RPH3A: variants seen among roughly 807,000 people sequenced by gnomAD.
RPH3A encodes the protein rabphilin 3A, also known as rabphilin-3A.
In RPH3A, 48 loss-of-function variants were observed where a neutral mutation model predicts 102.2. The ratio of observed to expected loss-of-function variants is 0.47; its 90% CI spans 0.37 to 0.60. RPH3A has a LOEUF of 0.60. RPH3A is among the 20% of genes least tolerant of loss of function. RPH3A has a pLI of 0.00. For missense variants in RPH3A, 781 were observed against 910.1 expected (o/e 0.86, Z 1.83); for synonymous variants, 310 against 324.3 (o/e 0.96, Z 0.47).
intron 1 of RPH3A, among the ~76,000 whole-genome samples, chr12:112,635,378 G>A (rs1566236936): frequency 6.6e-6 from 1 of 151,976 alleles, no homozygotes; most frequent in Non-Finnish European, 1.5e-5. Flanking sequence ...CCACTTACAG[G>A]GTGTGTATTC....
At chr12:112,667,304 A>G (rs1475748069) in intron 1 of RPH3A, among the ~76,000 whole-genome samples, 5 of 152,186 alleles carry the variant, frequency 3.3e-5, no homozygotes, top group African/African-American at 7.2e-5. Context: ...AATTATATAT[A>G]TACTCACATC....
At chr12:112,661,867 C>T (rs536205169) in intron 1 of RPH3A, among the ~76,000 whole-genome samples, 71 of 145,068 alleles carry the variant, frequency 4.9e-4, no homozygotes, top group African/African-American at 1.6e-3. Context: ...CCACCACCCA[C>T]CCCCCAAATA....
chr12:112,810,967 A>ATG lies in RPH3A; in HGVS notation c.-18-17316_-18-17315dup, dbSNP rs758194280. ...ATACATATTTTTTGTGTGTACATATATGTGTGTGTGTGTGTGTGTATAGAT... is the reference window on the plus strand; with the variant it reads ...ATACATATTTTTTGTGTGTACATATATGTGTGTGTGTGTGTGTGTGTATAGAT... On this transcript the variant is annotated intron_variant, in intron 2 of 21. Coordinates refer to ENST00000389385, the MANE Select transcript of RPH3A (RefSeq NM_001143854.2). Among the ~76,000 whole-genome samples, 310 of 113,406 alleles carry ATG rather than the reference A, an allele frequency of 2.7e-3. 1 individual carries two copies. The highest frequency in any genetic ancestry group is 7.1e-3 in the African/African-American group (249 of 34,872). The allele number at this position is 113,406 out of a possible 152,430, so 74.4% of individuals were successfully genotyped here. A position where few individuals can be genotyped will look rare whatever the true frequency, so the allele number is the denominator to read the frequency against.
intron 1 of RPH3A, among the ~76,000 whole-genome samples, chr12:112,779,257 G>A (rs990689590): frequency 6.6e-6 from 1 of 152,214 alleles, no homozygotes; most frequent in African/African-American, 2.4e-5. Context: ...CAGCCTAAAG[G>A]CGCTTCAGCA....
intron 6 of RPH3A, 122 bp downstream of exon 6, chr12:112,865,665 C>T: frequency 3.6e-6 from 4 of 1,101,688 alleles, no homozygotes; most frequent in Non-Finnish European, 3.8e-6. Context: ...GATCACTTGC[C>T]AGGATATGGT....
chr12:112,729,023 A>G (rs1470273476), intron 1 of RPH3A, among the ~76,000 whole-genome samples: 1 of 152,130 alleles, frequency 6.6e-6, no homozygotes, highest in Non-Finnish European at 1.5e-5. Context: ...TGGCTTGGGA[A>G]CACAAAAGTG....
At chr12:112,599,510 A>G (rs1366404295) in intron 1 of RPH3A, among the ~76,000 whole-genome samples, 1 of 152,154 alleles carries the variant, frequency 6.6e-6, no homozygotes, top group African/African-American at 2.4e-5. Flanking sequence ...CAGGGTTTGT[A>G]TTGACCCTGC....
intron 2 of RPH3A, among the ~76,000 whole-genome samples, chr12:112,824,325 C>G (rs2041831155): frequency 6.6e-6 from 1 of 152,198 alleles, no homozygotes; most frequent in African/African-American, 2.4e-5. Context: ...CTGGGCAAAG[C>G]AGCTCCTGTT....
chr12:112,796,042 C>A (rs549074895), intron 2 of RPH3A, among the ~76,000 whole-genome samples: 1 of 152,216 alleles, frequency 6.6e-6, no homozygotes, highest in Middle Eastern at 3.4e-3. Context: ...CCCTCTTGTT[C>A]CCCACTGCAG....
intron 1 of RPH3A, among the ~76,000 whole-genome samples, chr12:112,760,262 A>G (rs1417199888): frequency 6.6e-6 from 1 of 152,192 alleles, no homozygotes; most frequent in African/African-American, 2.4e-5. Context: ...GCTGCTTACT[A>G]GCTGTGTGAC....
intron 1 of RPH3A, among the ~76,000 whole-genome samples, chr12:112,783,237 C>A (rs1357363060): frequency 6.6e-6 from 1 of 152,136 alleles, no homozygotes; most frequent in Non-Finnish European, 1.5e-5. Context: ...AGAAACTCCC[C>A]AGATGTTGGA....
chr12:112,664,145 G>A (rs1258369387), intron 1 of RPH3A, among the ~76,000 whole-genome samples: 3 of 152,148 alleles, frequency 2.0e-5, no homozygotes, highest in Non-Finnish European at 2.9e-5. Context: ...AAGAACGTGT[G>A]CAAAACCTTA....
At chr12:112,769,940 G>A (rs1048056457) in intron 1 of RPH3A, among the ~76,000 whole-genome samples, 5 of 152,134 alleles carry the variant, frequency 3.3e-5, no homozygotes, top group African/African-American at 1.2e-4. Context: ...CAGATGATTT[G>A]TATGCATTTG....
intron 1 of RPH3A, among the ~76,000 whole-genome samples, chr12:112,640,330 A>AG (rs2039879718): frequency 1.0e-5 from 1 of 96,536 alleles, no homozygotes. Context: ...CATCTCAAAA[A>AG]AAAAAAAAAA....
chr12:112,756,190 G>A lies in RPH3A; in HGVS notation c.-139-35953G>A, dbSNP rs2040821955. Among the ~76,000 whole-genome samples the A allele has an allele frequency of 2.0e-5, 3 of 151,936 alleles. No homozygotes were observed. In the South Asian group the frequency reaches 6.2e-4, roughly 32 times the overall value. ...TGGTCATTACACATTGTATACATGT[G>A]TAATGTATTATTGACATCACACATC... is the stretch of plus-strand genomic sequence containing the variant. On this transcript the variant is annotated intron_variant, in intron 1 of 21. Transcript: ENST00000543106.
chr12:112,595,285 CT>C (rs1396396203), intron 1 of RPH3A, among the ~76,000 whole-genome samples: 1 of 152,138 alleles, frequency 6.6e-6, no homozygotes, highest in Admixed American at 6.5e-5. Context: ...ATATCTCTTA[CT>C]TGGTGGCTTT....
chr12:112,589,891 T>C (rs940067086), intron 1 of RPH3A, among the ~76,000 whole-genome samples: 1 of 152,158 alleles, frequency 6.6e-6, no homozygotes, highest in Non-Finnish European at 1.5e-5. Context: ...AAGACCAGCT[T>C]GGCCAACGTA....
At position 112,741,558 on chromosome 12, in the gene RPH3A, C is replaced by T. The variant is rs182353625; in HGVS notation, c.-139-50585C>T. On this transcript the variant is annotated intron_variant, in intron 1 of 21. Coordinates refer to the RPH3A transcript ENST00000543106. Reference sequence around the variant, plus strand: ...TTCGACCCCCATGTCACCGGTCTCACTCCAAAGCATCAAAGACAGTGGAAG... The same window carrying T: ...TTCGACCCCCATGTCACCGGTCTCATTCCAAAGCATCAAAGACAGTGGAAG... Among the ~76,000 whole-genome samples the T allele has an allele frequency of 1.1e-3, 164 of 152,224 alleles. 2 individuals carry two copies. Among genetic ancestry groups the T allele is most frequent in the African/African-American group, 3.8e-3 (157 of 41,528 alleles).
At chr12:112,753,465 A>G (rs921982603) in intron 1 of RPH3A, among the ~76,000 whole-genome samples, 3 of 152,172 alleles carry the variant, frequency 2.0e-5, no homozygotes, top group African/African-American at 2.4e-5. Context: ...CTGAAGCCCC[A>G]CCTGGTTAAC....
Sources: allele counts gnomAD v4.1 joint callset (sites outside exome capture counted in the v4.1 genomes callset), GRCh38; gene constraint gnomAD v4.1.1; transcripts MANE v1.5; gene names NCBI Gene and HGNC (gene_info 2026-07-23, HGNC 2026-07-21).